PCDH9: variants seen among roughly 807,000 people sequenced by gnomAD.
The protein encoded by PCDH9 is protocadherin-9.
PCDH9 carries 24 observed loss-of-function variants against 70.6 expected under a neutral mutation model. The observed-to-expected ratio is 0.34, with a 90% CI of 0.25 to 0.48. PCDH9 has a LOEUF of 0.48. PCDH9 is among the 20% of genes least tolerant of loss of function. The probability of loss-of-function intolerance (pLI) is 0.99; values close to 1 mark genes in which losing one functional copy is unlikely to be tolerated. For missense variants in PCDH9, 1,281 were observed against 1,503.6 expected, an observed-to-expected ratio of 0.85 and a Z score of 2.45; for synonymous variants, 562 against 558.5, an observed-to-expected ratio of 1.01 and a Z score of -0.09.
chr13:66,860,470 C>T (rs1324254024), intron 3 of PCDH9, among the ~76,000 whole-genome samples: 1 of 152,166 alleles, frequency 6.6e-6, no homozygotes, highest in Non-Finnish European at 1.5e-5. Flanking sequence ...GGGAGGCTCC[C>T]GTCAGTGCCA....
Position 67,026,553 on chromosome 13 carries a change from G to A in PCDH9, c.3037-122948C>T, listed in dbSNP as rs2084785925. Among the ~76,000 whole-genome samples, 7 of 152,068 alleles carry A rather than the reference G, an allele frequency of 4.6e-5. No homozygotes were observed. In the South Asian group the frequency reaches 1.2e-3, roughly 27 times the overall value. On this transcript the variant is annotated intron_variant, in intron 2 of 4. Coordinates refer to ENST00000377865, the MANE Select transcript of PCDH9 (RefSeq NM_203487.3). ...ACTCCTATTCAACATAGTGTTGGAA[G>A]TTCTGGCCAGGGCAATTAGGCAGGA...
chr13:66,825,069 A>T (rs1026650374), intron 3 of PCDH9: 92 of 152,092 alleles, frequency 6.0e-4, no homozygotes, highest in African/African-American at 2.1e-3. Flanking sequence ...ATGTCATTTT[A>T]AAATTTTAAT....
At chr13:66,881,169 T>C (rs1566263436) in intron 3 of PCDH9, among the ~76,000 whole-genome samples, 1 of 152,252 alleles carries the variant, frequency 6.6e-6, no homozygotes, top group Non-Finnish European at 1.5e-5. Context: ...TGAAATATTA[T>C]AACTTGCAGT....
intron 2 of PCDH9, among the ~76,000 whole-genome samples, chr13:67,100,227 C>A (rs1369845549): frequency 6.6e-6 from 1 of 151,954 alleles, no homozygotes. Context: ...TTTTAAAATT[C>A]TCATTATATT....
chr13:66,761,548 T>C (rs189603912), intron 3 of PCDH9, among the ~76,000 whole-genome samples: 2 of 152,304 alleles, frequency 1.3e-5, no homozygotes, highest in Admixed American at 1.3e-4. Context: ...TCATTATTTT[T>C]TCTCCCCTGA....
At chr13:66,332,534 C>T (rs538985190) in intron 4 of PCDH9, among the ~76,000 whole-genome samples, 1 of 152,146 alleles carries the variant, frequency 6.6e-6, no homozygotes, top group Admixed American at 6.6e-5. Flanking sequence ...TCTAGGGAAA[C>T]AAAGACCTTT....
At chr13:66,393,589 C>T (rs189923154) in intron 4 of PCDH9, among the ~76,000 whole-genome samples, 136 of 152,226 alleles carry the variant, frequency 8.9e-4, no homozygotes, top group African/African-American at 3.0e-3. Context: ...CATTCACTAA[C>T]ATATAATTAA....
At chr13:66,588,482 A>G (rs968630948) in intron 4 of PCDH9, among the ~76,000 whole-genome samples, 3 of 117,560 alleles carry the variant, frequency 2.6e-5, no homozygotes, top group African/African-American at 6.1e-5. Flanking sequence ...CACTCAAAGG[A>G]GAGAACGTCA....
At chr13:66,378,114 T>G (rs1956781772) in intron 4 of PCDH9, among the ~76,000 whole-genome samples, 1 of 152,204 alleles carries the variant, frequency 6.6e-6, no homozygotes, top group Non-Finnish European at 1.5e-5. Flanking sequence ...CTATTCCTCT[T>G]TAAAGGGTTG....
At chr13:66,683,252 A>G (rs2078353330) in intron 3 of PCDH9, among the ~76,000 whole-genome samples, 1 of 151,980 alleles carries the variant, frequency 6.6e-6, no homozygotes, top group South Asian at 2.1e-4. Flanking sequence ...GCCTAGTACC[A>G]GTTTAGTCCA....
chr13:67,065,303 A>G (rs938895302), intron 2 of PCDH9, among the ~76,000 whole-genome samples: 1 of 152,172 alleles, frequency 6.6e-6, no homozygotes, highest in African/African-American at 2.4e-5. Context: ...TCATTTGCCA[A>G]AGAAAAGTGT....
chr13:66,565,399 A>T (rs565192672), intron 4 of PCDH9, among the ~76,000 whole-genome samples: 3 of 152,328 alleles, frequency 2.0e-5, no homozygotes, highest in African/African-American at 4.8e-5. Flanking sequence ...CATATGATAA[A>T]GAAAAGCTGT....
chr13:66,472,363 A>T (rs962549697), intron 4 of PCDH9, among the ~76,000 whole-genome samples: 2 of 139,844 alleles, frequency 1.4e-5, no homozygotes, highest in Non-Finnish European at 3.1e-5. Flanking sequence ...TGAGCAGAGG[A>T]GTTTGAGACC....
intron 2 of PCDH9, among the ~76,000 whole-genome samples, chr13:66,971,821 G>T (rs908428381): frequency 6.6e-6 from 1 of 151,758 alleles, no homozygotes; most frequent in Admixed American, 6.6e-5. Flanking sequence ...TTTAGTTAAA[G>T]AAATAAAAAT....
intron 3 of PCDH9, among the ~76,000 whole-genome samples, chr13:66,653,649 A>G (rs908553347): frequency 1.3e-5 from 2 of 152,036 alleles, no homozygotes; most frequent in Non-Finnish European, 2.9e-5. Flanking sequence ...TGATCCAGCA[A>G]TCCCTCTGTG....
intron 4 of PCDH9, among the ~76,000 whole-genome samples, chr13:66,422,703 G>A (rs972956728): frequency 6.6e-6 from 1 of 151,956 alleles, no homozygotes; most frequent in Non-Finnish European, 1.5e-5. Flanking sequence ...GGAGAAAGTG[G>A]GAAAGATCTA....
chr13:66,559,193 C>G (rs1488238721), intron 4 of PCDH9, among the ~76,000 whole-genome samples: 1 of 152,062 alleles, frequency 6.6e-6, no homozygotes, highest in African/African-American at 2.4e-5. Context: ...AACTTATATC[C>G]CATCAAAACT....
At chr13:66,338,716 T>A (rs1956077587) in intron 4 of PCDH9, among the ~76,000 whole-genome samples, 1 of 151,950 alleles carries the variant, frequency 6.6e-6, no homozygotes, top group South Asian at 2.1e-4. Flanking sequence ...GGAGATGAGA[T>A]CCTGACCACT....
intron 3 of PCDH9, among the ~76,000 whole-genome samples, chr13:66,821,836 A>C (rs965920674): frequency 6.6e-6 from 1 of 152,220 alleles, no homozygotes; most frequent in Non-Finnish European, 1.5e-5. Context: ...GCTAAGAAAC[A>C]TGTTAATTTT....
Sources: gnomAD v4.1 joint callset for allele counts (sites outside exome capture counted in the v4.1 genomes callset) on GRCh38, gnomAD v4.1.1 for gene constraint, MANE v1.5 for transcripts, NCBI Gene and HGNC (gene_info 2026-07-23, HGNC 2026-07-21) for gene names.